Variants in PAPSS1 observed in about 807,000 individuals in gnomAD.
PAPSS1 encodes bifunctional 3'-phosphoadenosine 5'-phosphosulfate synthase 1.
PAPSS1 carries 50 observed loss-of-function variants against 72.0 expected under a neutral mutation model. The ratio of observed to expected loss-of-function variants is 0.69; its 90% CI spans 0.55 to 0.88. The LOEUF (loss-of-function observed/expected upper bound fraction) is 0.88, where lower values mean the gene tolerates loss of function less well. PAPSS1 is among the 40% of genes least tolerant of loss of function. The pLI is 0.00. For missense variants in PAPSS1, 657 were observed against 782.2 expected, an observed-to-expected ratio of 0.84 and a Z score of 1.91; for synonymous variants, 261 against 263.6, an observed-to-expected ratio of 0.99 and a Z score of 0.09.
chr4:107,634,852 T>G (rs1006903809), intron 10 of PAPSS1, among the ~76,000 whole-genome samples: 3 of 139,050 alleles, frequency 2.2e-5, no homozygotes, highest in Non-Finnish European at 4.5e-5. Context: ...CAGGCTGGAG[T>G]GCAGTGACGA....
chr4:107,693,737 T>C (rs1361276789), intron 3 of PAPSS1, 34 bp downstream of exon 3: 1 of 1,444,234 alleles, frequency 6.9e-7, no homozygotes, highest in East Asian at 2.3e-5. Context: ...TCAATAAATG[T>C]AAGCAGAAAG....
chr4:107,681,299 A>T (rs569704448), intron 5 of PAPSS1, among the ~76,000 whole-genome samples: 2 of 152,282 alleles, frequency 1.3e-5, no homozygotes, highest in African/African-American at 4.8e-5. Context: ...GTGACAGGGT[A>T]ATCACTGACC....
intron 10 of PAPSS1, among the ~76,000 whole-genome samples, chr4:107,644,339 A>G (rs1354106596): frequency 6.6e-6 from 1 of 152,154 alleles, no homozygotes; most frequent in Non-Finnish European, 1.5e-5. Context: ...CCCTCCCTAT[A>G]CCTAGAGGAA....
intron 4 of PAPSS1, among the ~76,000 whole-genome samples, chr4:107,686,176 A>T (rs951534424): frequency 6.6e-6 from 1 of 152,184 alleles, no homozygotes. Flanking sequence ...AACTCTGGGA[A>T]GCGGACCATA....
At chr4:107,648,796 G>C (rs919550629) in intron 9 of PAPSS1, among the ~76,000 whole-genome samples, 1 of 152,096 alleles carries the variant, frequency 6.6e-6, no homozygotes, top group Admixed American at 6.5e-5. Flanking sequence ...TTTTGTGAAG[G>C]GACCTGGAAT....
intron 2 of PAPSS1, 68 bp downstream of exon 2, chr4:107,701,103 A>G: frequency 1.1e-6 from 1 of 907,136 alleles, no homozygotes; most frequent in Non-Finnish European, 1.8e-6. Context: ...AAATATGCTT[A>G]CGCCTAGTCC....
intron 3 of PAPSS1, 75 bp downstream of exon 3, chr4:107,693,696 T>C: frequency 9.8e-7 from 1 of 1,021,374 alleles, no homozygotes; most frequent in Non-Finnish European, 1.5e-6. Flanking sequence ...TATCAATGTT[T>C]AAAGTATGTG....
intron 3 of PAPSS1, among the ~76,000 whole-genome samples, chr4:107,689,070 C>G (rs1722855511): frequency 6.6e-6 from 1 of 152,176 alleles, no homozygotes; most frequent in Admixed American, 6.5e-5. Context: ...AGTTCAACCT[C>G]ACTTCTCTTG....
chr4:107,683,727 A>G (rs1722692756), intron 4 of PAPSS1, among the ~76,000 whole-genome samples: 1 of 152,224 alleles, frequency 6.6e-6, no homozygotes, highest in Non-Finnish European at 1.5e-5. Flanking sequence ...AGAATGGTTA[A>G]TACAAGGATA....
intron 10 of PAPSS1, among the ~76,000 whole-genome samples, chr4:107,636,810 G>T (rs1726398157): frequency 6.6e-6 from 1 of 152,042 alleles, no homozygotes; most frequent in Non-Finnish European, 1.5e-5. Context: ...GGCAGAACAT[G>T]GGCTACTAAA....
chr4:107,634,384 C>T lies in PAPSS1; in HGVS notation c.1507-2524G>A, dbSNP rs183488937. 8.5e-4 allele frequency among the ~76,000 whole-genome samples: 130 copies of T among 152,222 alleles called. 2 individuals carry two copies. Among genetic ancestry groups the T allele is most frequent in the African/African-American group, 3.0e-3 (123 of 41,542 alleles). ...TTAAGAAGAGCAATTAATTCAGGGGCTAATGACAAGGCATCACGTACCACA... is the reference window on the plus strand; with the variant it reads ...TTAAGAAGAGCAATTAATTCAGGGGTTAATGACAAGGCATCACGTACCACA... On this transcript the variant is annotated intron_variant, in intron 10 of 11. Coordinates refer to ENST00000265174, the MANE Select transcript of PAPSS1 (RefSeq NM_005443.5).
At chr4:107,672,957 G>C (rs1326351264) in intron 5 of PAPSS1, among the ~76,000 whole-genome samples, 14 of 152,188 alleles carry the variant, frequency 9.2e-5, no homozygotes, top group Non-Finnish European at 1.8e-4. Flanking sequence ...ACAGGGTCTG[G>C]AGTGGACCTC....
At chr4:107,634,839 G>C (rs570328312) in intron 10 of PAPSS1, among the ~76,000 whole-genome samples, 2 of 128,574 alleles carry the variant, frequency 1.6e-5, no homozygotes, top group South Asian at 2.4e-4. Context: ...TCGCTGTGTC[G>C]CCCAGGCTGG....
At chr4:107,663,362 T>C (rs1331515966) in intron 5 of PAPSS1, among the ~76,000 whole-genome samples, 1 of 152,114 alleles carries the variant, frequency 6.6e-6, no homozygotes, top group Non-Finnish European at 1.5e-5. Context: ...ACAACGTGTC[T>C]CCCCAGTTGT....
At chr4:107,626,794 C>T (rs916106196) in intron 11 of PAPSS1, among the ~76,000 whole-genome samples, 8 of 152,172 alleles carry the variant, frequency 5.3e-5, no homozygotes, top group African/African-American at 1.9e-4. Flanking sequence ...ATGCTATCAC[C>T]TTTCCACAAA....
At chr4:107,678,792 C>CA (rs1727728822) in intron 5 of PAPSS1, among the ~76,000 whole-genome samples, 2 of 151,842 alleles carry the variant, frequency 1.3e-5, no homozygotes, top group African/African-American at 2.4e-5. Flanking sequence ...GGGGCACAGG[C>CA]AAAAAAACTA....
At chr4:107,665,059 T>C (rs1727280976) in intron 5 of PAPSS1, among the ~76,000 whole-genome samples, 1 of 152,236 alleles carries the variant, frequency 6.6e-6, no homozygotes, top group South Asian at 2.1e-4. Context: ...AGGTTGCTAC[T>C]GTTTTTCTCT....
At chr4:107,673,052 C>T (rs1286699997) in intron 5 of PAPSS1, among the ~76,000 whole-genome samples, 1 of 152,040 alleles carries the variant, frequency 6.6e-6, no homozygotes, top group East Asian at 1.9e-4. Flanking sequence ...ACACCAAAAC[C>T]CCATCTGTAC....
At chr4:107,656,078 A>T (rs368345667) in intron 7 of PAPSS1, among the ~76,000 whole-genome samples, 16 of 152,192 alleles carry the variant, frequency 1.1e-4, no homozygotes, top group African/African-American at 3.6e-4. Context: ...AGGCTGCTGC[A>T]TTATAATGAT....
Sources: allele counts gnomAD v4.1 joint callset (sites outside exome capture counted in the v4.1 genomes callset), GRCh38; gene constraint gnomAD v4.1.1; transcripts MANE v1.5; gene names NCBI Gene and HGNC (gene_info 2026-07-23, HGNC 2026-07-21).